The following PCDH15 variants were observed in gnomAD, a reference collection of about 807,000 sequenced individuals.
PCDH15 encodes the protein protocadherin related 15, also known as protocadherin-15.
PCDH15 carries 129 observed loss-of-function variants against 178.5 expected under a neutral mutation model. The observed-to-expected ratio is 0.72, with a 90% CI of 0.63 to 0.84. The LOEUF is 0.84. Ranked by LOEUF, PCDH15 falls within the 40% of genes least tolerant of loss-of-function variation. The pLI is 0.00. For missense variants in PCDH15, 2,230 were observed against 2,099.9 expected, an observed-to-expected ratio of 1.06 and a Z score of -1.21; for synonymous variants, 800 against 732.0, an observed-to-expected ratio of 1.09 and a Z score of -1.50.
intron 21 of PCDH15, among the ~76,000 whole-genome samples, chr10:53,980,871 G>A (rs536436512): frequency 6.6e-6 from 1 of 151,858 alleles, no homozygotes; most frequent in Admixed American, 6.6e-5. Context: ...AATTTTTTTT[G>A]GTTCATGATT....
intron 12 of PCDH15, among the ~76,000 whole-genome samples, chr10:54,184,816 G>T (rs1281841979): frequency 1.3e-5 from 2 of 151,870 alleles, no homozygotes; most frequent in East Asian, 1.9e-4. Flanking sequence ...AACAAAAAAG[G>T]TTAGGAAATA....
intron 1 of PCDH15, among the ~76,000 whole-genome samples, chr10:54,669,068 T>C (rs1273546836): frequency 3.3e-5 from 5 of 152,120 alleles, no homozygotes; most frequent in Non-Finnish European, 7.3e-5. Flanking sequence ...ACTAAAAACA[T>C]GAGGTTTTCC....
At chr10:54,778,901 C>T (rs1014294433) in intron 1 of PCDH15, among the ~76,000 whole-genome samples, 1 of 151,944 alleles carries the variant, frequency 6.6e-6, no homozygotes, top group Non-Finnish European at 1.5e-5. Context: ...ACAAAAAAGG[C>T]ATGTTGGCAG....
At chr10:54,516,515 G>T (rs987652675) in intron 3 of PCDH15, among the ~76,000 whole-genome samples, 1 of 151,942 alleles carries the variant, frequency 6.6e-6, no homozygotes, top group Non-Finnish European at 1.5e-5. Flanking sequence ...AGAGAAAAAA[G>T]AATAAAAAGA....
intron 2 of PCDH15, among the ~76,000 whole-genome samples, chr10:54,563,014 AT>A (rs796631110): frequency 2.6e-5 from 4 of 152,310 alleles, no homozygotes; most frequent in African/African-American, 7.2e-5. Flanking sequence ...TTACTCATGT[AT>A]AGGAGATAAA....
intron 3 of PCDH15, among the ~76,000 whole-genome samples, chr10:54,477,585 T>C (rs1345463531): frequency 4.6e-5 from 7 of 152,148 alleles, no homozygotes; most frequent in Admixed American, 4.6e-4. Context: ...AATGAACGAA[T>C]ATATTTTTTA....
intron 2 of PCDH15, among the ~76,000 whole-genome samples, chr10:54,597,341 A>C (rs1212033665): frequency 1.3e-5 from 2 of 152,168 alleles, no homozygotes; most frequent in Admixed American, 1.3e-4. Context: ...CTGTTCCTGA[A>C]TGACTTTTGG....
At chr10:54,056,568 T>C (rs1244352312) in intron 18 of PCDH15, among the ~76,000 whole-genome samples, 4 of 152,104 alleles carry the variant, frequency 2.6e-5, no homozygotes, top group Non-Finnish European at 5.9e-5. Context: ...ACTGCCCCCA[T>C]GATTCAATTA....
intron 1 of PCDH15, among the ~76,000 whole-genome samples, chr10:55,199,533 A>C (rs1310141154): frequency 3.3e-5 from 5 of 152,138 alleles, no homozygotes; most frequent in Non-Finnish European, 5.9e-5. Context: ...GGAAGAAAAA[A>C]AAAATTTCTG....
chr10:54,218,457 A>AT (rs145383686), intron 9 of PCDH15, among the ~76,000 whole-genome samples: 4,938 of 152,266 alleles, frequency 0.032, 115 homozygotes, highest in Middle Eastern at 0.071. Flanking sequence ...ATCAGATTAA[A>AT]TGAGTCTATA....
At chr10:55,206,722 T>C (rs1840412602) in intron 1 of PCDH15, among the ~76,000 whole-genome samples, 1 of 152,166 alleles carries the variant, frequency 6.6e-6, no homozygotes, top group South Asian at 2.1e-4. Context: ...TAAATACTTA[T>C]ATCACATATT....
intron 2 of PCDH15, among the ~76,000 whole-genome samples, chr10:55,459,930 G>C (rs1183398877): frequency 6.6e-6 from 1 of 151,960 alleles, no homozygotes; most frequent in Non-Finnish European, 1.5e-5. Flanking sequence ...GATTACACTG[G>C]AGAAAATAAC....
chr10:54,386,100 TTG>T (rs60205554), intron 3 of PCDH15, among the ~76,000 whole-genome samples: 33,490 of 139,238 alleles, frequency 0.24, 4,550 homozygotes, highest in East Asian at 0.72. Flanking sequence ...TAGTTATTAG[TTG>T]TGTGTGTGTG....
At chr10:54,995,639 G>A (rs543126503) in intron 2 of PCDH15, among the ~76,000 whole-genome samples, 188 of 137,896 alleles carry the variant, frequency 1.4e-3, no homozygotes, top group Middle Eastern at 3.8e-3. Context: ...TCCCCCCCAC[G>A]CCCCAAACAC....
At chr10:53,949,730 G>GAA (rs147359191) in intron 23 of PCDH15, among the ~76,000 whole-genome samples, 2 of 147,286 alleles carry the variant, frequency 1.4e-5, no homozygotes, top group Admixed American at 6.7e-5. Flanking sequence ...TCTCTAAAAA[G>GAA]AAAAAAAAAA....
At chr10:53,897,042 A>G (rs1438515134) in intron 26 of PCDH15, among the ~76,000 whole-genome samples, 1 of 152,170 alleles carries the variant, frequency 6.6e-6, no homozygotes, top group African/African-American at 2.4e-5. Flanking sequence ...CTGTGAAAAA[A>G]TTGTTTTCCA....
At chr10:55,354,365 A>G (rs116299361) in intron 2 of PCDH15, among the ~76,000 whole-genome samples, 28 of 152,170 alleles carry the variant, frequency 1.8e-4, no homozygotes, top group African/African-American at 6.5e-4. Flanking sequence ...TCCGAATTAA[A>G]TAGGGCACAA....
chr10:55,587,790 C>A (rs1038479481), intron 2 of PCDH15, among the ~76,000 whole-genome samples: 2 of 152,024 alleles, frequency 1.3e-5, no homozygotes, highest in African/African-American at 4.8e-5. Flanking sequence ...TCAAGAATTT[C>A]TTGTTAAGAG....
At chr10:54,671,777 T>C (rs2094678456) in intron 1 of PCDH15, among the ~76,000 whole-genome samples, 1 of 152,144 alleles carries the variant, frequency 6.6e-6, no homozygotes, top group South Asian at 2.1e-4. Flanking sequence ...GAGTTTTCAG[T>C]CTAACAGAGT....
Sources: gnomAD v4.1 joint callset for allele counts (sites outside exome capture counted in the v4.1 genomes callset) on GRCh38, gnomAD v4.1.1 for gene constraint, MANE v1.5 for transcripts, NCBI Gene and HGNC (gene_info 2026-07-23, HGNC 2026-07-21) for gene names.